GPM6B: variants seen among roughly 807,000 people sequenced by gnomAD.
GPM6B encodes the protein glycoprotein M6B, also known as neuronal membrane glycoprotein M6-b.
GPM6B carries 4 observed loss-of-function variants against 27.2 expected under a neutral mutation model. That is an observed-to-expected ratio of 0.15 (90% CI 0.07 to 0.34). The LOEUF is 0.34. GPM6B is among the 10% of genes least tolerant of loss of function. The pLI is 1.00. For missense variants in GPM6B, 183 were observed against 261.9 expected, an observed-to-expected ratio of 0.70 and a Z score of 2.08; for synonymous variants, 124 against 103.1, an observed-to-expected ratio of 1.20 and a Z score of -1.23.
chrX:13,865,406 G>A (rs989484924), intron 1 of GPM6B, among the ~76,000 whole-genome samples: 7 of 106,978 alleles, frequency 6.5e-5, no homozygotes, highest in South Asian at 4.1e-4. Context: ...CCAAATTCAC[G>A]GATTTATGTT....
At position 13,779,852 on chromosome X, in the gene GPM6B, A is replaced by G; in HGVS notation, c.663T>C (p.Gly221=). ...IKSPQTNGTT[G]VEQICVDIRQ... ...GGATATCCACACAGATCTGCTCCAC[A>G]CCCGTGGTCCCGTTGGTCTGCGGTG... Residue 221 remains glycine, a synonymous_variant, in exon 5 of 8, where the codon GGT becomes GGC. Transcript: ENST00000316715. 1 of 1,191,814 alleles carries G rather than the reference A, an allele frequency of 8.4e-7. No homozygotes were observed. The highest frequency in any genetic ancestry group is 1.1e-6 in the Non-Finnish European group (1 of 880,549).
chrX:13,858,238 G>A (rs1228387505), intron 1 of GPM6B, among the ~76,000 whole-genome samples: 1 of 111,527 alleles, frequency 9.0e-6, no homozygotes, highest in Non-Finnish European at 1.9e-5. Context: ...TCCCTTACGA[G>A]TATCTTTTTC....
chrX:13,856,554 T>C (rs1162619971), intron 1 of GPM6B, among the ~76,000 whole-genome samples: 2 of 112,288 alleles, frequency 1.8e-5, no homozygotes, highest in Non-Finnish European at 3.8e-5. Flanking sequence ...AGATGTTTTA[T>C]TAGTTTCCTA....
At chrX:13,841,570 C>A (rs887557970) in intron 1 of GPM6B, among the ~76,000 whole-genome samples, 4 of 111,196 alleles carry the variant, frequency 3.6e-5, no homozygotes, top group Non-Finnish European at 7.6e-5. Flanking sequence ...TGTGTGGGGG[C>A]GGTGGTGGGA....
chrX:13,831,680 A>C (rs2049441685), intron 1 of GPM6B, among the ~76,000 whole-genome samples: 1 of 111,423 alleles, frequency 9.0e-6, no homozygotes, highest in African/African-American at 3.3e-5. Flanking sequence ...AAGATGTCAA[A>C]ACTGTTTCTT....
intron 1 of GPM6B, among the ~76,000 whole-genome samples, chrX:13,832,618 C>T (rs1027246920): frequency 5.4e-5 from 6 of 111,545 alleles, no homozygotes; most frequent in Non-Finnish European, 1.1e-4. Context: ...CACACTAAGA[C>T]AAGGCCACAC....
At chrX:13,934,859 C>G (rs969029856) in intron 1 of GPM6B, among the ~76,000 whole-genome samples, 1 of 111,545 alleles carries the variant, frequency 9.0e-6, no homozygotes, top group African/African-American at 3.3e-5. Flanking sequence ...AGTGGGCAAG[C>G]TGGGGCAGGC....
intron 1 of GPM6B, among the ~76,000 whole-genome samples, chrX:13,920,266 CAAA>C (rs144988935): frequency 9.0e-5 from 2 of 22,323 alleles, no homozygotes; most frequent in Non-Finnish European, 7.5e-5. Context: ...GACTCTGTCT[CAAA>C]AAAAAAAAAA....
intron 4 of GPM6B, among the ~76,000 whole-genome samples, chrX:13,782,147 T>C (rs182133267): frequency 1.4e-4 from 16 of 112,298 alleles, no homozygotes; most frequent in Admixed American, 9.4e-4. Context: ...TGGCCAGAGA[T>C]GCAGACAGCG....
At chrX:13,909,521 G>A (rs775536749) in intron 1 of GPM6B, among the ~76,000 whole-genome samples, 3 of 110,528 alleles carry the variant, frequency 2.7e-5, no homozygotes, top group East Asian at 6.1e-4. Context: ...GATGCCACAG[G>A]CTCTTCAGAC....
At chrX:13,813,906 G>C (rs1484246737) in intron 1 of GPM6B, among the ~76,000 whole-genome samples, 2 of 112,108 alleles carry the variant, frequency 1.8e-5, no homozygotes, top group Admixed American at 1.9e-4. Flanking sequence ...AAATCTGCTT[G>C]TTTTCCTTAA....
chrX:13,843,199 T>C (rs2049601636), intron 1 of GPM6B, among the ~76,000 whole-genome samples: 1 of 112,330 alleles, frequency 8.9e-6, no homozygotes, highest in African/African-American at 3.2e-5. Flanking sequence ...GACACATGGA[T>C]ATGTAGTCCT....
chrX:13,788,559 C>T (rs1002668187), intron 2 of GPM6B, among the ~76,000 whole-genome samples: 2 of 109,084 alleles, frequency 1.8e-5, no homozygotes, highest in South Asian at 4.0e-4. Flanking sequence ...TAGATGTATA[C>T]ATCTATATAT....
intron 2 of GPM6B, among the ~76,000 whole-genome samples, chrX:13,801,782 C>A (rs764564550): frequency 2.7e-5 from 3 of 111,474 alleles, no homozygotes; most frequent in Non-Finnish European, 5.7e-5. Flanking sequence ...CTCCTACCAG[C>A]CTGACATTTC....
At chrX:13,920,857 C>A (rs905956281) in intron 1 of GPM6B, among the ~76,000 whole-genome samples, 8 of 107,573 alleles carry the variant, frequency 7.4e-5, no homozygotes, top group African/African-American at 2.7e-4. Context: ...CGCCACTATA[C>A]TCCAGCCTGG....
Position 13,772,687 on chromosome X carries a change from C to T in GPM6B, c.*194G>A, listed in dbSNP as rs1457660719. The T allele has an allele frequency of 2.8e-6, 1 of 352,895 alleles. No individual in the cohort carries two copies. Among genetic ancestry groups the T allele is most frequent in the Non-Finnish European group, 4.9e-6 (1 of 204,219 alleles). The allele number at this position is 352,895 out of a possible 1,213,427, so 29.1% of individuals were successfully genotyped here. On this transcript the variant is annotated 3_prime_UTR_variant, in exon 8 of 8. Transcript: ENST00000316715. ...TTTAAAATGGCTAACATGAAACCTC[C>T]AATATTTGTTCTAAAGAAAAAGATT...
chrX:13,913,751 T>C (rs1472345216), intron 1 of GPM6B, among the ~76,000 whole-genome samples: 2 of 111,102 alleles, frequency 1.8e-5, no homozygotes, highest in Non-Finnish European at 3.8e-5. Context: ...CTCTCCCTTT[T>C]CTCCATCATG....
chrX:13,921,458 A>G (rs1168327702), intron 1 of GPM6B, among the ~76,000 whole-genome samples: 2 of 112,056 alleles, frequency 1.8e-5, no homozygotes, highest in Non-Finnish European at 3.8e-5. Flanking sequence ...AGGTAGAGGA[A>G]AAAACAGCTT....
At chrX:13,818,096 A>C (rs946919878), upstream of GPM6B, among the ~76,000 whole-genome samples, 4 of 112,215 alleles carry the variant, frequency 3.6e-5, no homozygotes, top group African/African-American at 1.3e-4. Flanking sequence ...CAACATTCTC[A>C]ACCCATACCA....
Sources: gnomAD v4.1 joint callset for allele counts (sites outside exome capture counted in the v4.1 genomes callset) on GRCh38, gnomAD v4.1.1 for gene constraint, MANE v1.5 for transcripts, NCBI Gene and HGNC (gene_info 2026-07-23, HGNC 2026-07-21) for gene names.